Variants in KMT2C observed in about 807,000 individuals in gnomAD.
The protein encoded by KMT2C is histone-lysine N-methyltransferase 2C.
A neutral mutation model predicts 507.9 loss-of-function variants in KMT2C; 88 were observed. The observed-to-expected ratio is 0.17, with a 90% confidence interval of 0.15 to 0.21. The LOEUF (loss-of-function observed/expected upper bound fraction) is 0.21. Ranked by LOEUF, KMT2C falls within the 10% of genes least tolerant of loss-of-function variation. The pLI is 1.00. For missense variants in KMT2C, 4,954 were observed against 5,957.8 expected, an observed-to-expected ratio of 0.83 and a Z score of 5.55; for synonymous variants, 2,049 against 2,080.8, an observed-to-expected ratio of 0.98 and a Z score of 0.42.
At chr7:152,394,450 T>A (rs571059020) in intron 1 of KMT2C, among the ~76,000 whole-genome samples, 3 of 152,354 alleles carry the variant, frequency 2.0e-5, no homozygotes, top group South Asian at 4.1e-4. Context: ...CTGGGGCTTT[T>A]GCACTCACTG....
At chr7:152,309,319 T>C (rs2096648891) in intron 6 of KMT2C, among the ~76,000 whole-genome samples, 1 of 147,714 alleles carries the variant, frequency 6.8e-6, no homozygotes, top group Admixed American at 6.7e-5. Context: ...ATTAATTTTT[T>C]TTTTTTTTTT....
intron 31 of KMT2C, among the ~76,000 whole-genome samples, chr7:152,190,934 A>G (rs751760185): frequency 6.6e-5 from 10 of 152,168 alleles, no homozygotes; most frequent in Admixed American, 1.3e-4. Flanking sequence ...ATTCATTTCC[A>G]AGATCCTATA....
chr7:152,258,986 A>C (rs555132818), intron 9 of KMT2C, among the ~76,000 whole-genome samples: 3 of 152,338 alleles, frequency 2.0e-5, no homozygotes, highest in South Asian at 2.1e-4. Context: ...GGAAAGTGGA[A>C]TAATGTGTGC....
At chr7:152,346,992 T>C (rs1165774023) in intron 2 of KMT2C, among the ~76,000 whole-genome samples, 1 of 152,006 alleles carries the variant, frequency 6.6e-6, no homozygotes, top group Admixed American at 6.6e-5. Flanking sequence ...CTGGGCGTGG[T>C]GGCATGTGCC....
At chr7:152,412,393 T>C (rs1302250277) in intron 1 of KMT2C, among the ~76,000 whole-genome samples, 1 of 152,106 alleles carries the variant, frequency 6.6e-6, no homozygotes, top group Non-Finnish European at 1.5e-5. Flanking sequence ...AGAGCAAGAC[T>C]CCCTCTCAAA....
chr7:152,430,738 T>C (rs1285002813), intron 1 of KMT2C, among the ~76,000 whole-genome samples: 2 of 152,222 alleles, frequency 1.3e-5, no homozygotes, highest in Non-Finnish European at 2.9e-5. Flanking sequence ...TTGCCCAGGC[T>C]GGTCTCAAAC....
rs1287659350 is a variant in KMT2C at position 152,163,323 on chromosome 7, C to A, written c.10254G>T (p.Glu3418Asp). ...QERQRIQLMQ[E>D]VDRQRALQQR... Reference sequence around the variant, plus strand: ...GCTGCAAAGCTCTTTGTCTATCTACCTCCTGCATGAGTTGGATCCGTTGTC... The same window carrying A: ...GCTGCAAAGCTCTTTGTCTATCTACATCCTGCATGAGTTGGATCCGTTGTC... Residue 3418 changes from glutamate (E) to aspartate (D), a missense_variant, in exon 43 of 59, where the codon GAG (glutamate) becomes GAT (aspartate). Glu to Asp is a conservative substitution (Grantham distance 45). Coordinates refer to ENST00000262189, the MANE Select transcript of KMT2C (RefSeq NM_170606.3). 6.2e-7 allele frequency: 1 copy of A among 1,614,218 alleles called. No individual in the cohort carries two copies. The highest frequency in any genetic ancestry group is 1.3e-5 in the African/African-American group (1 of 75,044).
At chr7:152,229,840 T>C (rs1393665300) in intron 18 of KMT2C, 83 bp downstream of exon 18, 3 of 817,824 alleles carry the variant, frequency 3.7e-6, no homozygotes, top group Non-Finnish European at 6.1e-6. Flanking sequence ...AATACTTAAT[T>C]GTGAGAACTG....
chr7:152,168,634 G>GA (rs1238098510), intron 41 of KMT2C, among the ~76,000 whole-genome samples: 3 of 152,000 alleles, frequency 2.0e-5, no homozygotes, highest in East Asian at 3.9e-4. Flanking sequence ...AAATAATGGT[G>GA]AAAAAAAAGT....
intron 51 of KMT2C, among the ~76,000 whole-genome samples, chr7:152,150,691 G>A (rs1380030123): frequency 6.6e-6 from 1 of 151,966 alleles, no homozygotes; most frequent in African/African-American, 2.4e-5. Context: ...ACATAACTCT[G>A]CCCACTTCTG....
intron 2 of KMT2C, among the ~76,000 whole-genome samples, chr7:152,334,868 A>G (rs1207635612): frequency 1.3e-5 from 2 of 152,158 alleles, no homozygotes; most frequent in Admixed American, 6.5e-5. Flanking sequence ...GAGAAGATCA[A>G]TTTGTTTTAT....
intron 1 of KMT2C, among the ~76,000 whole-genome samples, chr7:152,427,236 G>C (rs2097827772): frequency 6.6e-6 from 1 of 151,996 alleles, no homozygotes; most frequent in Admixed American, 6.6e-5. Flanking sequence ...GGCTGGTCTT[G>C]AACTCCTGAC....
intron 6 of KMT2C, among the ~76,000 whole-genome samples, chr7:152,293,874 T>G (rs1380260384): frequency 6.6e-6 from 1 of 152,200 alleles, no homozygotes; most frequent in Non-Finnish European, 1.5e-5. Flanking sequence ...TCATTCATTT[T>G]TGAGACAAAG....
chr7:152,235,207 G>GTATATATATATATATATATATATATA (rs71533554), intron 16 of KMT2C, among the ~76,000 whole-genome samples: 229 of 142,322 alleles, frequency 1.6e-3, no homozygotes, highest in South Asian at 6.5e-3. Context: ...TTTCAAGGGT[G>GTATATATATATATATATATATATATA]TATATATATA....
Position 152,310,053 on chromosome 7 carries a change from A to T in KMT2C, c.762T>A (p.Arg254=). 1 of 1,613,500 alleles carries T rather than the reference A, an allele frequency of 6.2e-7. No individual in the cohort carries two copies. The highest frequency in any genetic ancestry group is 8.5e-7 in the Non-Finnish European group (1 of 1,179,508). The change falls in exon 6 of 59, where the codon CGT becomes CGA. Residue 254 remains arginine, a synonymous_variant. Coordinates refer to ENST00000262189, the MANE Select transcript of KMT2C (RefSeq NM_170606.3). ...ATACTCCTAGTGACCACTCCACACA[A>T]CGGTGATGAGCCCAACAAGTGCCTA... is the stretch of plus-strand genomic sequence containing the variant. ...DSTGTCWAHH[R]CVEWSLGVCQ...
rs761330169 is a variant in KMT2C, at chr7:152,177,335, C to A, written c.8118G>T (p.Gly2706=). ...VKELDVKDLE[G]VEVKDLDDED... Reference sequence around the variant, plus strand: ...CATCATCTAAGTCTTTGACTTCAACCCCCTCAAGGTCTTTAACATCCAGTT... The same window carrying A: ...CATCATCTAAGTCTTTGACTTCAACACCCTCAAGGTCTTTAACATCCAGTT... The change falls in exon 38 of 59, where the codon GGG becomes GGT. Residue 2706 remains glycine, a synonymous_variant. Coordinates refer to ENST00000262189, the MANE Select transcript of KMT2C (RefSeq NM_170606.3). The A allele has an allele frequency of 1.9e-6, 3 of 1,614,098 alleles. No individual in the cohort carries two copies. Among genetic ancestry groups the A allele is most frequent in the Non-Finnish European group, 2.5e-6 (3 of 1,179,980 alleles).
chr7:152,321,106 C>T (rs1008392831), intron 3 of KMT2C, among the ~76,000 whole-genome samples: 9 of 151,832 alleles, frequency 5.9e-5, no homozygotes, highest in Admixed American at 1.3e-4. Flanking sequence ...TGGTGGCACA[C>T]GCCTGTAGTC....
chr7:152,413,024 T>G (rs2097698641), intron 1 of KMT2C, among the ~76,000 whole-genome samples: 1 of 152,204 alleles, frequency 6.6e-6, no homozygotes, highest in Non-Finnish European at 1.5e-5. Context: ...GTACAGTTCA[T>G]GCTTGTATAC....
chr7:152,184,904 G>A (rs778035842), intron 34 of KMT2C, among the ~76,000 whole-genome samples: 6 of 152,098 alleles, frequency 3.9e-5, no homozygotes, highest in Non-Finnish European at 5.9e-5. Context: ...ACAGGCATGC[G>A]CCATCATACC....
Sources: allele counts gnomAD v4.1 joint callset (sites outside exome capture counted in the v4.1 genomes callset), GRCh38; gene constraint gnomAD v4.1.1; transcripts MANE v1.5; gene names NCBI Gene and HGNC (gene_info 2026-07-23, HGNC 2026-07-21).